The following NRXN3 variants were observed in gnomAD, a reference collection of about 807,000 sequenced individuals.
The protein encoded by NRXN3 is neurexin III.
In NRXN3, 32 loss-of-function variants were observed where a neutral mutation model predicts 137.6. The ratio of observed to expected loss-of-function variants is 0.23; its 90% confidence interval spans 0.18 to 0.31. The LOEUF (loss-of-function observed/expected upper bound fraction) is 0.31. Among genes scored for constraint, NRXN3 ranks in the 10% least tolerant of loss-of-function variants. The probability of loss-of-function intolerance (pLI) is 1.00; values close to 1 mark genes in which losing one functional copy is unlikely to be tolerated. For missense variants in NRXN3, 1,574 were observed against 2,062.5 expected, an observed-to-expected ratio of 0.76 and a Z score of 4.59; for synonymous variants, 798 against 784.5, an observed-to-expected ratio of 1.02 and a Z score of -0.29.
At chr14:78,883,024 T>C (rs2099133778) in intron 10 of NRXN3, among the ~76,000 whole-genome samples, 1 of 152,138 alleles carries the variant, frequency 6.6e-6, no homozygotes. Flanking sequence ...TTCCCCCTTT[T>C]GCTCAGCACT....
chr14:79,273,824 T>C (rs2079814225), intron 15 of NRXN3, among the ~76,000 whole-genome samples: 1 of 151,670 alleles, frequency 6.6e-6, no homozygotes, highest in African/African-American at 2.4e-5. Context: ...GAGCCGGGCA[T>C]GATGGCTCAC....
intron 8 of NRXN3, among the ~76,000 whole-genome samples, chr14:78,794,123 G>A (rs529779701): frequency 3.9e-5 from 6 of 152,298 alleles, no homozygotes; most frequent in Admixed American, 6.5e-5. Flanking sequence ...GCTCAAACCC[G>A]TAATCACAAC....
At chr14:79,554,290 A>G (rs2097405870) in intron 16 of NRXN3, among the ~76,000 whole-genome samples, 1 of 152,166 alleles carries the variant, frequency 6.6e-6, no homozygotes, top group South Asian at 2.1e-4. Context: ...AGAATTCACA[A>G]GGAAGACTCG....
rs573453196 is a variant in NRXN3 at position 79,221,440 on chromosome 14, G to A, written c.3262+233299G>A. On this transcript the variant is annotated intron_variant, in intron 15 of 20. Transcript: ENST00000335750. Reference sequence around the variant, plus strand: ...GTTGTTTCCTGACTTTTTAATTATCGCTATTCTAACTGGCGTGAGATGGTA... The same window carrying A: ...GTTGTTTCCTGACTTTTTAATTATCACTATTCTAACTGGCGTGAGATGGTA... Among the ~76,000 whole-genome samples, 12 of 152,006 alleles carry A rather than the reference G, an allele frequency of 7.9e-5. No individual in the cohort carries two copies. In the South Asian group the frequency reaches 2.3e-3, roughly 29 times the overall value.
At chr14:79,823,826 T>C (rs1235067505) in intron 20 of NRXN3, 4 of 343,424 alleles carry the variant, frequency 1.2e-5, no homozygotes, top group Non-Finnish European at 2.6e-5. Flanking sequence ...AATTCAAAGA[T>C]GATGATGATG....
chr14:78,398,690 A>G (rs1192328397), intron 4 of NRXN3, among the ~76,000 whole-genome samples: 1 of 152,206 alleles, frequency 6.6e-6, no homozygotes, highest in Non-Finnish European at 1.5e-5. Context: ...GGGTGCTGGC[A>G]AAAGTCCTGG....
At chr14:78,628,854 A>G (rs2097492862) in intron 4 of NRXN3, among the ~76,000 whole-genome samples, 1 of 152,228 alleles carries the variant, frequency 6.6e-6, no homozygotes, top group Admixed American at 6.5e-5. Context: ...CTCTCACTGC[A>G]GTGCCTTTTA....
intron 15 of NRXN3, among the ~76,000 whole-genome samples, chr14:79,299,740 C>G (rs1203724409): frequency 6.6e-6 from 1 of 152,010 alleles, no homozygotes; most frequent in African/African-American, 2.4e-5. Context: ...TTGGGTGTGA[C>G]AGACAATTTT....
chr14:79,187,810 A>G (rs982278062), intron 15 of NRXN3, among the ~76,000 whole-genome samples: 11 of 152,212 alleles, frequency 7.2e-5, no homozygotes, highest in East Asian at 5.8e-4. Context: ...GAGACGGAAG[A>G]TGCTCTCAGC....
chr14:79,118,030 A>T (rs1051997841), intron 15 of NRXN3, among the ~76,000 whole-genome samples: 1 of 152,220 alleles, frequency 6.6e-6, no homozygotes, highest in Non-Finnish European at 1.5e-5. Flanking sequence ...GAACCATTTC[A>T]AAGATACAGG....
intron 4 of NRXN3, among the ~76,000 whole-genome samples, chr14:78,476,258 T>G (rs1256135656): frequency 6.6e-6 from 1 of 152,204 alleles, no homozygotes; most frequent in Admixed American, 6.5e-5. Context: ...AAGAAACATA[T>G]GAGATAGTGA....
chr14:78,894,580 T>A (rs2099168146), intron 10 of NRXN3, among the ~76,000 whole-genome samples: 2 of 151,954 alleles, frequency 1.3e-5, no homozygotes, highest in Admixed American at 1.3e-4. Flanking sequence ...CTCCTGTTAA[T>A]GTTGATATTT....
At chr14:78,585,821 T>C (rs1362384697) in intron 4 of NRXN3, among the ~76,000 whole-genome samples, 2 of 152,140 alleles carry the variant, frequency 1.3e-5, no homozygotes, top group African/African-American at 4.8e-5. Flanking sequence ...TTTCCGTGTC[T>C]AGGAGACACT....
chr14:79,147,232 C>G (rs776223874), intron 15 of NRXN3, among the ~76,000 whole-genome samples: 1 of 152,172 alleles, frequency 6.6e-6, no homozygotes, highest in Non-Finnish European at 1.5e-5. Context: ...GGAGAGCTGA[C>G]GTTGAATGCT....
intron 16 of NRXN3, among the ~76,000 whole-genome samples, chr14:79,494,628 G>T (rs915622017): frequency 2.6e-5 from 4 of 152,118 alleles, no homozygotes; most frequent in Non-Finnish European, 5.9e-5. Flanking sequence ...TATATATGTA[G>T]TCTGATATAT....
chr14:79,638,259 T>A (rs2098415773), intron 16 of NRXN3, among the ~76,000 whole-genome samples: 1 of 152,204 alleles, frequency 6.6e-6, no homozygotes, highest in African/African-American at 2.4e-5. Context: ...TCCTTTGTTG[T>A]TGTTTTCCTT....
chr14:79,071,295 A>G (rs1222441794), intron 15 of NRXN3, among the ~76,000 whole-genome samples: 2 of 152,132 alleles, frequency 1.3e-5, no homozygotes, highest in Non-Finnish European at 2.9e-5. Flanking sequence ...CAGGTTTGTT[A>G]CATAGGTATA....
chr14:78,832,073 C>T (rs1237082926), intron 10 of NRXN3, among the ~76,000 whole-genome samples: 1 of 151,938 alleles, frequency 6.6e-6, no homozygotes, highest in African/African-American at 2.4e-5. Flanking sequence ...AAGCAAAAGA[C>T]ATCTCCTTGA....
At chr14:78,629,440 G>A (rs1489077920) in intron 4 of NRXN3, among the ~76,000 whole-genome samples, 1 of 152,220 alleles carries the variant, frequency 6.6e-6, no homozygotes, top group African/African-American at 2.4e-5. Context: ...AGTTAGGAGG[G>A]TAGCATGGAG....
Sources: gnomAD v4.1 joint callset for allele counts (sites outside exome capture counted in the v4.1 genomes callset) on GRCh38, gnomAD v4.1.1 for gene constraint, MANE v1.5 for transcripts, NCBI Gene and HGNC (gene_info 2026-07-23, HGNC 2026-07-21) for gene names.